MECOM: variants seen among roughly 807,000 people sequenced by gnomAD.
MECOM encodes the protein histone-lysine N-methyltransferase MECOM.
MECOM carries 13 observed loss-of-function variants against 116.3 expected under a neutral mutation model. That is an observed-to-expected ratio of 0.11 (90% confidence interval 0.07 to 0.18). The LOEUF (loss-of-function observed/expected upper bound fraction) is 0.18, where lower values mean the gene tolerates loss of function less well. Ranked by LOEUF, MECOM falls within the 10% of genes least tolerant of loss-of-function variation. The pLI, the probability that MECOM is intolerant of heterozygous loss-of-function variation, is 1.00. For synonymous variants in MECOM, 528 were observed against 535.2 expected, an observed-to-expected ratio of 0.99 and a Z score of 0.19; for missense variants, 1,299 against 1,509.0, an observed-to-expected ratio of 0.86 and a Z score of 2.31.
chr3:169,490,612 A>G (rs75401772), intron 1 of MECOM, among the ~76,000 whole-genome samples: 1,810 of 152,346 alleles, frequency 0.012, 48 homozygotes, highest in African/African-American at 0.042. Flanking sequence ...TATGTACAGT[A>G]TAGTACCACT....
At chr3:169,245,900 A>G (rs1755523260) in intron 2 of MECOM, among the ~76,000 whole-genome samples, 1 of 152,222 alleles carries the variant, frequency 6.6e-6, no homozygotes, top group African/African-American at 2.4e-5. Context: ...AAGAGAGGGA[A>G]AAACTTATAA....
At chr3:169,481,398 C>G (rs563709665) in intron 1 of MECOM, among the ~76,000 whole-genome samples, 1 of 152,048 alleles carries the variant, frequency 6.6e-6, no homozygotes, top group South Asian at 2.1e-4. Flanking sequence ...ACTAAAAATA[C>G]AAAAATTAGC....
At chr3:169,123,454 C>T (rs1731762129) in intron 5 of MECOM, among the ~76,000 whole-genome samples, 1 of 151,866 alleles carries the variant, frequency 6.6e-6, no homozygotes, top group Non-Finnish European at 1.5e-5. Flanking sequence ...TTCTCACAAG[C>T]ATAGTTTCTC....
chr3:169,554,339 C>A (rs754893791), intron 1 of MECOM, among the ~76,000 whole-genome samples: 1 of 152,152 alleles, frequency 6.6e-6, no homozygotes, highest in East Asian at 1.9e-4. Flanking sequence ...TACAGCAGTT[C>A]GCCTACATTA....
intron 7 of MECOM, among the ~76,000 whole-genome samples, chr3:169,118,635 T>C (rs902464625): frequency 6.6e-6 from 1 of 152,192 alleles, no homozygotes; most frequent in Admixed American, 6.5e-5. Context: ...TTGATGAGTA[T>C]TCAACCAAGA....
At chr3:169,612,051 G>A (rs1055985429) in intron 1 of MECOM, among the ~76,000 whole-genome samples, 3 of 152,130 alleles carry the variant, frequency 2.0e-5, no homozygotes, top group Non-Finnish European at 4.4e-5. Flanking sequence ...CGAATCTCTA[G>A]TTATGAGTTA....
chr3:169,632,251 A>G (rs1294601340), intron 1 of MECOM, among the ~76,000 whole-genome samples: 1 of 152,146 alleles, frequency 6.6e-6, no homozygotes, highest in East Asian at 1.9e-4. Flanking sequence ...AAATAAAGCT[A>G]TGTGAAAAAC....
intron 2 of MECOM, among the ~76,000 whole-genome samples, chr3:169,326,464 A>G (rs1721845126): frequency 6.6e-6 from 1 of 152,220 alleles, no homozygotes; most frequent in Admixed American, 6.5e-5. Context: ...TTCATTTCAA[A>G]AAGTTAATGA....
chr3:169,343,662 G>A (rs1724920586), intron 2 of MECOM, among the ~76,000 whole-genome samples: 1 of 152,026 alleles, frequency 6.6e-6, no homozygotes, highest in Admixed American at 6.6e-5. Context: ...GCCTAAATAA[G>A]TCTTTATAAC....
At chr3:169,101,790 A>G (rs1056941492) in intron 11 of MECOM, among the ~76,000 whole-genome samples, 2 of 152,226 alleles carry the variant, frequency 1.3e-5, no homozygotes, top group Non-Finnish European at 1.5e-5. Flanking sequence ...AAATTCATAA[A>G]TATCAAAGTG....
intron 2 of MECOM, among the ~76,000 whole-genome samples, chr3:169,221,768 T>G (rs1030888269): frequency 6.6e-6 from 1 of 152,146 alleles, no homozygotes; most frequent in Non-Finnish European, 1.5e-5. Context: ...CATTTATTCA[T>G]TATCTACGTA....
At chr3:169,220,396 T>A (rs1262112973) in intron 2 of MECOM, among the ~76,000 whole-genome samples, 1 of 152,166 alleles carries the variant, frequency 6.6e-6, no homozygotes, top group East Asian at 1.9e-4. Context: ...TACCTAAAAT[T>A]TCTACCTGTT....
At chr3:169,648,661 A>G (rs1235575758) in intron 1 of MECOM, among the ~76,000 whole-genome samples, 2 of 152,250 alleles carry the variant, frequency 1.3e-5, no homozygotes, top group African/African-American at 4.8e-5. Context: ...GCTCAGCAAG[A>G]TGGTTGGCAA....
intron 1 of MECOM, among the ~76,000 whole-genome samples, chr3:169,508,356 A>T (rs918061089): frequency 6.6e-6 from 1 of 152,184 alleles, no homozygotes; most frequent in Non-Finnish European, 1.5e-5. Flanking sequence ...AAACTGGTGA[A>T]TGACACAAAA....
intron 1 of MECOM, among the ~76,000 whole-genome samples, chr3:169,456,936 G>A (rs1038586077): frequency 6.6e-6 from 1 of 152,182 alleles, no homozygotes; most frequent in Admixed American, 6.5e-5. Context: ...AAGAACCACT[G>A]GAAGCAGGCA....
chr3:169,497,773 T>C (rs1560357359), intron 1 of MECOM, among the ~76,000 whole-genome samples: 1 of 152,342 alleles, frequency 6.6e-6, no homozygotes, highest in Non-Finnish European at 1.5e-5. Context: ...TCATTATGTC[T>C]AAATAAAGTT....
At chr3:169,141,523 T>G (rs1481174982) in intron 3 of MECOM, among the ~76,000 whole-genome samples, 1 of 152,046 alleles carries the variant, frequency 6.6e-6, no homozygotes, top group Non-Finnish European at 1.5e-5. Flanking sequence ...AAAACAGACC[T>G]AGAGAATCTC....
At chr3:169,561,140 C>T (rs560070698) in intron 1 of MECOM, among the ~76,000 whole-genome samples, 58 of 151,244 alleles carry the variant, frequency 3.8e-4, no homozygotes, top group African/African-American at 1.4e-3. Context: ...ATAATATTAA[C>T]AAAAATTTAA....
intron 2 of MECOM, among the ~76,000 whole-genome samples, chr3:169,149,953 GTGTGTGTGTGTGTGTGTGTGTGTGTC>G (rs1740915346): frequency 6.7e-6 from 1 of 149,440 alleles, no homozygotes; most frequent in Admixed American, 6.7e-5. Flanking sequence ...GTGTGTGTGT[GTGTGTGTGTGTGTGTGTGTGTGTGTC>G]TGTCTGTCTG....
Sources: gnomAD v4.1 joint callset for allele counts (sites outside exome capture counted in the v4.1 genomes callset) on GRCh38, gnomAD v4.1.1 for gene constraint, MANE v1.5 for transcripts, NCBI Gene and HGNC (gene_info 2026-07-23, HGNC 2026-07-21) for gene names.